Variants in ROBO1 observed in about 807,000 individuals in gnomAD.
ROBO1 encodes roundabout homolog 1.
A neutral mutation model predicts 195.9 loss-of-function variants in ROBO1; 149 were observed. That is an observed-to-expected ratio of 0.76 (90% CI 0.67 to 0.87). The LOEUF (loss-of-function observed/expected upper bound fraction) is 0.87, where lower values mean the gene tolerates loss of function less well. ROBO1 is among the 40% of genes least tolerant of loss of function. The pLI, the probability that ROBO1 is intolerant of heterozygous loss-of-function variation, is 0.00. For missense variants in ROBO1, 1,933 were observed against 2,068.3 expected (o/e 0.93, Z 1.27); for synonymous variants, 816 against 733.2 (o/e 1.11, Z -1.82).
chr3:79,613,491 G>C (rs1380100372), intron 1 of ROBO1, among the ~76,000 whole-genome samples: 4 of 151,926 alleles, frequency 2.6e-5, no homozygotes, highest in Non-Finnish European at 5.9e-5. Flanking sequence ...AGGGACAAAA[G>C]CTATAAACTA....
intron 1 of ROBO1, among the ~76,000 whole-genome samples, chr3:79,596,199 T>A (rs1158019420): frequency 2.0e-5 from 3 of 152,046 alleles, no homozygotes; most frequent in Non-Finnish European, 4.4e-5. Context: ...AGGAGAGTCA[T>A]AAATACATGA....
Position 79,725,198 on chromosome 3 carries a change from C to T in ROBO1, c.-51+42554G>A, listed in dbSNP as rs72901786. Among the ~76,000 whole-genome samples the T allele has an allele frequency of 7.4e-3, 1,114 of 150,500 alleles. 13 individuals carry two copies. The highest frequency in any genetic ancestry group is 0.025 in the African/African-American group (1,044 of 41,134). ...GTTTCCCAATGCTATGTAAAAGATG[C>T]CTTATGAGAAACATCTCTCTTCTTC... On this transcript the variant is annotated intron_variant, in intron 1 of 30. Coordinates refer to ENST00000464233, the MANE Select transcript of ROBO1 (RefSeq NM_002941.4).
chr3:78,974,801 A>G (rs553125332), intron 3 of ROBO1, among the ~76,000 whole-genome samples: 1 of 152,326 alleles, frequency 6.6e-6, no homozygotes, highest in African/African-American at 2.4e-5. Context: ...TTTCAAAGAT[A>G]TATCATTTGA....
chr3:79,712,075 A>G (rs1031549082), intron 1 of ROBO1, among the ~76,000 whole-genome samples: 3 of 152,144 alleles, frequency 2.0e-5, no homozygotes, highest in Non-Finnish European at 4.4e-5. Flanking sequence ...CCTGACACAC[A>G]ACAATATTGA....
rs562598082 is a variant in ROBO1 at position 79,263,485 on chromosome 3, C to T, written c.89-137946G>A. Among the ~76,000 whole-genome samples the T allele has an allele frequency of 7.9e-5, 12 of 151,780 alleles. No homozygotes were observed. The South Asian group carries it at 2.3e-3, about 29-fold the overall frequency. Reference sequence around the variant, plus strand: ...TCAACATAGCAAGACCCTGTCTCTACAAAAAAAATTAAAAAATAATTAGCC... The same window carrying T: ...TCAACATAGCAAGACCCTGTCTCTATAAAAAAAATTAAAAAATAATTAGCC... On this transcript the variant is annotated intron_variant, in intron 2 of 30. Transcript: ENST00000464233.
intron 2 of ROBO1, among the ~76,000 whole-genome samples, chr3:79,433,735 C>T (rs1189687323): frequency 2.0e-5 from 3 of 152,156 alleles, no homozygotes; most frequent in Admixed American, 1.3e-4. Flanking sequence ...AAAGAGCCCA[C>T]ATTGCCAAGA....
At chr3:79,686,430 T>G (rs530397604) in intron 1 of ROBO1, among the ~76,000 whole-genome samples, 12 of 152,280 alleles carry the variant, frequency 7.9e-5, no homozygotes, top group African/African-American at 2.9e-4. Context: ...GAAGTCAAAT[T>G]GTCCCTGTTT....
intron 2 of ROBO1, among the ~76,000 whole-genome samples, chr3:79,294,057 C>CAAAAAAAA (rs71631641): frequency 4.5e-4 from 13 of 29,028 alleles, no homozygotes; most frequent in East Asian, 2.2e-3. Context: ...GACTCCATCT[C>CAAAAAAAA]AAAAAAAAAA....
At chr3:79,603,970 G>T (rs551225566) in intron 1 of ROBO1, among the ~76,000 whole-genome samples, 15 of 152,154 alleles carry the variant, frequency 9.9e-5, no homozygotes, top group African/African-American at 3.1e-4. Context: ...CTGCAGAACA[G>T]TTAAAGCTCA....
At chr3:79,065,361 T>G (rs2078987133) in intron 3 of ROBO1, among the ~76,000 whole-genome samples, 1 of 151,866 alleles carries the variant, frequency 6.6e-6, no homozygotes. Context: ...CACCTGAATA[T>G]ATTGTATCTC....
chr3:79,212,654 A>G (rs1437702095), intron 2 of ROBO1, among the ~76,000 whole-genome samples: 5 of 151,872 alleles, frequency 3.3e-5, no homozygotes, highest in Admixed American at 6.6e-5. Context: ...ACCCGTCTCT[A>G]CTAAAAATAC....
intron 2 of ROBO1, among the ~76,000 whole-genome samples, chr3:79,258,679 ACTCAACT>A (rs2082882608): frequency 6.6e-6 from 1 of 152,116 alleles, no homozygotes; most frequent in Admixed American, 6.6e-5. Context: ...GGATTCAATT[ACTCAACT>A]CTCTAGGCTG....
chr3:78,854,482 C>G (rs1576294569), intron 4 of ROBO1, among the ~76,000 whole-genome samples: 1 of 151,152 alleles, frequency 6.6e-6, no homozygotes, highest in Admixed American at 6.6e-5. Context: ...AATCACTTAA[C>G]AGTCAAGTAA....
intron 2 of ROBO1, among the ~76,000 whole-genome samples, chr3:79,372,006 T>A (rs967917452): frequency 6.6e-6 from 1 of 152,080 alleles, no homozygotes; most frequent in African/African-American, 2.4e-5. Context: ...ATCCCTTACA[T>A]GTGCAGTTCA....
At chr3:79,389,308 T>C (rs2036865016) in intron 2 of ROBO1, among the ~76,000 whole-genome samples, 1 of 152,134 alleles carries the variant, frequency 6.6e-6, no homozygotes, top group South Asian at 2.1e-4. Context: ...TTTCACAGCA[T>C]AGCTTCTATA....
chr3:79,687,543 TC>T (rs774902389), intron 1 of ROBO1, among the ~76,000 whole-genome samples: 20 of 151,822 alleles, frequency 1.3e-4, no homozygotes, highest in Non-Finnish European at 2.6e-4. Flanking sequence ...AGCAACCCCA[TC>T]AAAAAGTGGG....
chr3:78,917,357 TA>T (rs1250710736), intron 4 of ROBO1, among the ~76,000 whole-genome samples: 1 of 152,076 alleles, frequency 6.6e-6, no homozygotes, highest in Admixed American at 6.6e-5. Context: ...AGTTTGTTTT[TA>T]AATGACTATT....
chr3:79,365,955 TG>T (rs2035963876), intron 2 of ROBO1, among the ~76,000 whole-genome samples: 1 of 151,838 alleles, frequency 6.6e-6, no homozygotes, highest in Non-Finnish European at 1.5e-5. Context: ...ACTTTTCCAT[TG>T]GGTTACATCT....
At chr3:78,815,480 C>A (rs1287792622) in intron 4 of ROBO1, among the ~76,000 whole-genome samples, 1 of 152,120 alleles carries the variant, frequency 6.6e-6, no homozygotes, top group Non-Finnish European at 1.5e-5. Context: ...CGCCTTTAAG[C>A]CAAAACCTAA....
Sources: gnomAD v4.1 joint callset for allele counts (sites outside exome capture counted in the v4.1 genomes callset) on GRCh38, gnomAD v4.1.1 for gene constraint, MANE v1.5 for transcripts, NCBI Gene and HGNC (gene_info 2026-07-23, HGNC 2026-07-21) for gene names.